Variants in DGLUCY observed in about 807,000 individuals in gnomAD.
The protein encoded by DGLUCY is D-glutamate cyclase, mitochondrial.
Under a neutral mutation model 58.5 loss-of-function variants are expected in DGLUCY, and 58 were observed. The ratio of observed to expected loss-of-function variants is 0.99; its 90% CI spans 0.80 to 1.23. The LOEUF is 1.23. DGLUCY is among the 50% of genes most tolerant of loss of function. The probability of loss-of-function intolerance (pLI) is 0.00; values close to 1 mark genes in which losing one functional copy is unlikely to be tolerated. For synonymous variants in DGLUCY, 325 were observed against 314.1 expected (o/e 1.03, Z -0.37); for missense variants, 779 against 784.7 (o/e 0.99, Z 0.09).
At chr14:91,112,525 G>A (rs2044722855), upstream of DGLUCY, among the ~76,000 whole-genome samples, 1 of 152,148 alleles carries the variant, frequency 6.6e-6, no homozygotes, top group South Asian at 2.1e-4. Flanking sequence ...CTGGGTGGGT[G>A]AGGCTGCATG....
chr14:91,094,566 C>T (rs1017870425), intron 1 of DGLUCY, among the ~76,000 whole-genome samples: 3 of 151,356 alleles, frequency 2.0e-5, no homozygotes, highest in Non-Finnish European at 2.9e-5. Flanking sequence ...CTGGGTCAGG[C>T]GCAATGGCTC....
chr14:91,124,281 T>C (rs1434368089), intron 1 of DGLUCY, among the ~76,000 whole-genome samples: 1 of 152,156 alleles, frequency 6.6e-6, no homozygotes, highest in African/African-American at 2.4e-5. Flanking sequence ...AAGCAGCTGC[T>C]CCTCACTAAT....
intron 1 of DGLUCY, among the ~76,000 whole-genome samples, chr14:91,095,633 C>G (rs921058098): frequency 2.0e-5 from 3 of 151,978 alleles, no homozygotes; most frequent in African/African-American, 7.3e-5. Context: ...GAAGCTATTC[C>G]CAAGGCAAAG....
At chr14:91,089,270 C>T (rs879200743) in intron 1 of DGLUCY, among the ~76,000 whole-genome samples, 2 of 152,100 alleles carry the variant, frequency 1.3e-5, no homozygotes, top group Admixed American at 6.6e-5. Context: ...ACTCAGGAGC[C>T]GGTGGCAGCT....
chr14:91,139,040 A>G (rs2046500227), intron 1 of DGLUCY, among the ~76,000 whole-genome samples: 1 of 152,226 alleles, frequency 6.6e-6, no homozygotes, highest in South Asian at 2.1e-4. Flanking sequence ...TAGGAGATAC[A>G]GATATAGACA....
intron 1 of DGLUCY, among the ~76,000 whole-genome samples, chr14:91,096,326 A>G (rs2044394088): frequency 6.7e-6 from 1 of 149,196 alleles, no homozygotes; most frequent in East Asian, 2.1e-4. Flanking sequence ...AGGCAGGAGA[A>G]TCGCTTGATT....
At chr14:91,111,200 ATATGTG>A (rs1229270119), upstream of DGLUCY, among the ~76,000 whole-genome samples, 5,501 of 79,090 alleles carry the variant, frequency 0.07, 254 homozygotes, top group Admixed American at 0.099. Flanking sequence ...TTATTTATAT[ATATGTG>A]TGTGTGTGTG....
rs151308424 is a variant in DGLUCY, at chr14:91,168,713, G to A, written c.258-1290G>A. On this transcript the variant is annotated intron_variant, in intron 4 of 13. Transcript: ENST00000256324. ...CTTCTCTGTGTCACTCTACCTAGAC[G>A]GTTGACATTCCTTGCTGTGTATTGC... 1.4e-4 allele frequency among the ~76,000 whole-genome samples: 21 copies of A among 152,308 alleles called. No homozygotes were observed. In the East Asian group the frequency reaches 2.7e-3, roughly 20 times the overall value.
intron 1 of DGLUCY, among the ~76,000 whole-genome samples, chr14:91,133,562 T>C (rs529139684): frequency 1.3e-5 from 2 of 152,274 alleles, no homozygotes; most frequent in African/African-American, 4.8e-5. Flanking sequence ...AAATTATATA[T>C]ATTTTTTCTA....
chr14:91,211,159 A>G (rs1249937619), intron 12 of DGLUCY, among the ~76,000 whole-genome samples: 1 of 152,228 alleles, frequency 6.6e-6, no homozygotes, highest in Non-Finnish European at 1.5e-5. Flanking sequence ...GAAAATACAA[A>G]ACATTGATGA....
chr14:91,075,152 T>C (rs1010704357), intron 1 of DGLUCY, among the ~76,000 whole-genome samples: 1 of 152,214 alleles, frequency 6.6e-6, no homozygotes, highest in African/African-American at 2.4e-5. Context: ...TTTGCCTTTC[T>C]TGCATTTTTT....
chr14:91,108,526 T>TGAGAGAGAGAGAGA (rs1194090963), intron 1 of DGLUCY, among the ~76,000 whole-genome samples: 20 of 52,172 alleles, frequency 3.8e-4, no homozygotes, highest in African/African-American at 5.7e-4. Context: ...TGTGTGTGTG[T>TGAGAGAGAGAGAGA]GAGAGAGAGA....
chr14:91,120,599 A>G lies in DGLUCY; in HGVS notation c.-82+6316A>G, dbSNP rs2045294913. Among the ~76,000 whole-genome samples the G allele has an allele frequency of 2.6e-5, 4 of 151,990 alleles. No individual in the cohort carries two copies. The South Asian group carries it at 8.3e-4, about 32-fold the overall frequency. On this transcript the variant is annotated intron_variant, in intron 1 of 13. Transcript: ENST00000256324. ...GCTAATTTTTGTATTTTTAGTAGAG[A>G]CAGCATTTCACCATGTTGGCCAGGC...
chr14:91,215,758 A>G, intron 13 of DGLUCY: 2 of 1,428,226 alleles, frequency 1.4e-6, no homozygotes, highest in Non-Finnish European at 1.8e-6. Context: ...GGCAGGCCTG[A>G]TCCAAGTGAC....
At chr14:91,142,687 G>A (rs1050727132) in intron 1 of DGLUCY, among the ~76,000 whole-genome samples, 2 of 151,882 alleles carry the variant, frequency 1.3e-5, no homozygotes, top group African/African-American at 2.4e-5. Flanking sequence ...AGCTGGCCAC[G>A]GTGGCTTATG....
chr14:91,137,982 CA>C (rs1180958534), intron 1 of DGLUCY, among the ~76,000 whole-genome samples: 1 of 152,054 alleles, frequency 6.6e-6, no homozygotes, highest in Non-Finnish European at 1.5e-5. Context: ...TTCTGAGCCC[CA>C]AAAAGACACT....
chr14:91,117,724 G>A (rs527523608), intron 1 of DGLUCY, among the ~76,000 whole-genome samples: 1 of 151,434 alleles, frequency 6.6e-6, no homozygotes, highest in East Asian at 1.9e-4. Flanking sequence ...TTATTCTGAG[G>A]CAAACATGAG....
At chr14:91,082,736 A>G (rs796720606) in intron 1 of DGLUCY, among the ~76,000 whole-genome samples, 40 of 152,234 alleles carry the variant, frequency 2.6e-4, no homozygotes, top group African/African-American at 8.7e-4. Flanking sequence ...TTAGATATGT[A>G]GGTTGCACAT....
At chr14:91,179,833 C>G (rs2049062386) in intron 7 of DGLUCY, among the ~76,000 whole-genome samples, 1 of 141,690 alleles carries the variant, frequency 7.1e-6, no homozygotes. Context: ...TGAACACTTT[C>G]TTAAAAATTT....
Sources: gnomAD v4.1 joint callset for allele counts (sites outside exome capture counted in the v4.1 genomes callset) on GRCh38, gnomAD v4.1.1 for gene constraint, MANE v1.5 for transcripts, NCBI Gene and HGNC (gene_info 2026-07-23, HGNC 2026-07-21) for gene names.